Variants in REPS1 observed in about 807,000 individuals in gnomAD.
The protein encoded by REPS1 is RALBP1 associated Eps domain containing 1, also known as ralBP1-associated Eps domain-containing protein 1.
A neutral mutation model predicts 100.9 loss-of-function variants in REPS1; 39 were observed. The observed-to-expected ratio is 0.39, with a 90% CI of 0.30 to 0.50. REPS1 has a LOEUF of 0.50. Among genes scored for constraint, REPS1 ranks in the 20% least tolerant of loss-of-function variants. REPS1 has a pLI of 0.86. For missense variants in REPS1, 821 were observed against 968.5 expected (o/e 0.85, Z 2.02); for synonymous variants, 324 against 340.3 (o/e 0.95, Z 0.53).
In REPS1 at chr6:138,970,317, C is replaced by T. The variant is rs780864457; in HGVS notation, c.153+17213G>A. ...GAAGACAGTAGGAAGACAATCAGGA[C>T]GTTAAAGACAGAGTATTTCAGCTCC... On this transcript the variant is annotated intron_variant, in intron 1 of 19. Transcript: ENST00000450536. Among the ~76,000 whole-genome samples the T allele has an allele frequency of 4.6e-5, 7 of 152,008 alleles. No individual in the cohort carries two copies. In the South Asian group the frequency reaches 8.3e-4, roughly 18 times the overall value.
chr6:138,980,322 C>A lies in REPS1; in HGVS notation c.153+7208G>T, dbSNP rs999359873. Among the ~76,000 whole-genome samples, 5 of 152,134 alleles carry A rather than the reference C, an allele frequency of 3.3e-5. 1 individual carries two copies. Among genetic ancestry groups the A allele is most frequent in the South Asian group, 4.1e-4 (2 of 4,832 alleles). On this transcript the variant is annotated intron_variant, in intron 1 of 19. Coordinates refer to ENST00000450536, the MANE Select transcript of REPS1 (RefSeq NM_001286611.2). ...TTGCTCATACAGCAGTCAGCATGAT[C>A]TTTTAAAATATAATTCAGATGATGC...
At chr6:138,922,929 T>C (rs1394866466) in intron 10 of REPS1, among the ~76,000 whole-genome samples, 1 of 152,224 alleles carries the variant, frequency 6.6e-6, no homozygotes, top group East Asian at 1.9e-4. Flanking sequence ...TTGCCTTATG[T>C]TTATCTCTGA....
At position 138,941,471 on chromosome 6, in the gene REPS1, A is replaced by G; in HGVS notation, c.999T>C (p.Asp333=). 6.2e-7 allele frequency: 1 copy of G among 1,613,928 alleles called. No individual in the cohort carries two copies. Among genetic ancestry groups the G allele is most frequent in the Non-Finnish European group, 8.5e-7 (1 of 1,179,860 alleles). Residue 333 remains aspartate, a synonymous_variant, in exon 8 of 20, where the codon GAT becomes GAC. Transcript: ENST00000450536. ...CATCCAGTGTCAATGCACCATCTTT[A>G]TCAAAGTCTGAGAGTTCCCTAGAAG... The part of the protein sequence containing the change: ...LSHIWELSDF[D]KDGALTLDEF...
chr6:138,914,840 GACT>G, intron 14 of REPS1, 79 bp from the exon 15 acceptor site: 3 of 1,151,832 alleles, frequency 2.6e-6, no homozygotes, highest in East Asian at 2.4e-5. Flanking sequence ...GAATGAATGT[GACT>G]ACATGATAAA....
At chr6:138,939,885 G>T (rs944696550) in intron 8 of REPS1, among the ~76,000 whole-genome samples, 3 of 152,158 alleles carry the variant, frequency 2.0e-5, no homozygotes, top group Non-Finnish European at 4.4e-5. Flanking sequence ...AAAATCCTAG[G>T]ATTATCATAG....
intron 1 of REPS1, among the ~76,000 whole-genome samples, chr6:138,960,352 T>C (rs935343569): frequency 5.3e-5 from 8 of 152,172 alleles, no homozygotes; most frequent in African/African-American, 1.9e-4. Context: ...TTTCCCTAAG[T>C]TTTTGTTTTT....
rs1002361114 is a variant in REPS1 at position 138,908,794 on chromosome 6, G to A, written c.2090C>T (p.Ala697Val). The stretch of plus-strand genomic sequence containing the variant: ...TCTTCGAACAGGTTTAGGTGGTGGA[G>A]CAAGTGGTGTTGTGCCTTTGCTCTT... ...ANVSKGTTPL[A>V]PPPKPVRRRL... The change falls in exon 18 of 20, where the codon GCT becomes GTT. Residue 697 changes from alanine to valine, a missense_variant. Around this residue, in one of 3 missense-constraint regions of REPS1, gnomAD observed 757 missense variants for 866.4 expected, o/e 0.87. Transcript: ENST00000450536. 3.1e-6 allele frequency: 5 copies of A among 1,613,880 alleles called. No individual in the cohort carries two copies. Among genetic ancestry groups the A allele is most frequent in the Non-Finnish European group, 3.4e-6 (4 of 1,179,976 alleles).
intron 1 of REPS1, among the ~76,000 whole-genome samples, chr6:138,949,204 C>G (rs900279663): frequency 5.9e-5 from 9 of 152,026 alleles, no homozygotes; most frequent in Non-Finnish European, 1.3e-4. Flanking sequence ...GAGGGAAGAC[C>G]TAAAAGGAGA....
chr6:138,971,590 T>TA (rs146745689), intron 1 of REPS1, among the ~76,000 whole-genome samples: 11,747 of 151,778 alleles, frequency 0.077, 880 homozygotes, highest in East Asian at 0.21. Context: ...CTGCTATAGA[T>TA]AAAAAAAAGT....
Position 138,921,026 on chromosome 6 carries a change from A to G in REPS1, c.1426+11T>C, listed in dbSNP as rs373959493. 76 of 1,597,478 alleles carry G rather than the reference A, an allele frequency of 4.8e-5. No homozygotes were observed. The African/African-American group carries it at 9.8e-4, about 21-fold the overall frequency. On this transcript the variant is annotated intron_variant, in intron 11 of 19. Coordinates refer to ENST00000450536, the MANE Select transcript of REPS1 (RefSeq NM_001286611.2). Reference sequence around the variant, plus strand: ...TAAAACTAAAATACAAACCAGCAACAGCTTCCTTACCGCTGCCAGTTCTTT... The same window carrying G: ...TAAAACTAAAATACAAACCAGCAACGGCTTCCTTACCGCTGCCAGTTCTTT...
chr6:138,961,485 G>C (rs9403017), intron 1 of REPS1, among the ~76,000 whole-genome samples: 2 of 151,864 alleles, frequency 1.3e-5, no homozygotes, highest in African/African-American at 4.8e-5. Context: ...TCGGCCTCCC[G>C]AAGTACTAGG....
At chr6:138,965,557 T>C (rs1783972284) in intron 1 of REPS1, among the ~76,000 whole-genome samples, 1 of 152,162 alleles carries the variant, frequency 6.6e-6, no homozygotes, top group South Asian at 2.1e-4. Flanking sequence ...CTTAGGGTGA[T>C]CATAAAATTT....
At chr6:138,941,152 T>C (rs1025985201) in intron 8 of REPS1, among the ~76,000 whole-genome samples, 183 bp downstream of exon 8, 1 of 152,226 alleles carries the variant, frequency 6.6e-6, no homozygotes, top group African/African-American at 2.4e-5. Context: ...TTTTTAAAAA[T>C]AGACTGAATA....
At chr6:138,931,456 T>C (rs912341798) in intron 8 of REPS1, among the ~76,000 whole-genome samples, 6 of 152,202 alleles carry the variant, frequency 3.9e-5, no homozygotes, top group Admixed American at 1.3e-4. Flanking sequence ...TCTGCTATTG[T>C]TACATGCCTC....
At position 138,972,956 on chromosome 6, in the gene REPS1, GAAGTTCTA is replaced by G. The variant is rs533174108; in HGVS notation, c.153+14566_153+14573del. On this transcript the variant is annotated intron_variant, in intron 1 of 19. Transcript: ENST00000450536. ...ACCCATCAATGTACTGATGAGGAAT[GAAGTTCTA>G]AAGCACCAACTAAGCAGTCTAATAG... 1.8e-4 allele frequency among the ~76,000 whole-genome samples: 28 copies of G among 152,318 alleles called. No individual in the cohort carries two copies. The East Asian group carries it at 5.0e-3, about 27-fold the overall frequency.
chr6:138,982,613 T>C (rs1242073391), intron 1 of REPS1, among the ~76,000 whole-genome samples: 2 of 152,226 alleles, frequency 1.3e-5, no homozygotes, highest in African/African-American at 4.8e-5. Flanking sequence ...GAATATTTTC[T>C]TGCTCGGCAG....
At chr6:138,920,578 T>TA (rs1323559237) in intron 11 of REPS1, among the ~76,000 whole-genome samples, 3 of 152,250 alleles carry the variant, frequency 2.0e-5, no homozygotes, top group African/African-American at 4.8e-5. Flanking sequence ...GCAGCACACT[T>TA]AAACACTACA....
At position 138,971,640 on chromosome 6, in the gene REPS1, G is replaced by A. The variant is rs187203897; in HGVS notation, c.153+15890C>T. On this transcript the variant is annotated intron_variant, in intron 1 of 19. Transcript: ENST00000450536. ...GAAAAAGATCCTGAAAGGGAGGGAG[G>A]GGAAAGCAGCAATGTCTTGTCAGCA... Among the ~76,000 whole-genome samples, 38 of 152,230 alleles carry A rather than the reference G, an allele frequency of 2.5e-4. No individual in the cohort carries two copies. In the South Asian group the frequency reaches 3.9e-3, roughly 16 times the overall value.
At chr6:138,986,176 T>G (rs888371809) in intron 1 of REPS1, among the ~76,000 whole-genome samples, 3 of 152,182 alleles carry the variant, frequency 2.0e-5, no homozygotes, top group Non-Finnish European at 2.9e-5. Context: ...AAGAAGAATA[T>G]GCAACAGAGA....
Sources: gnomAD v4.1 joint callset for allele counts (sites outside exome capture counted in the v4.1 genomes callset) on GRCh38, gnomAD v4.1.1 for gene constraint, gnomAD v4.1.1 regional missense constraint, MANE v1.5 for transcripts, NCBI Gene and HGNC (gene_info 2026-07-23, HGNC 2026-07-21) for gene names.